The following BCL9 variants were observed in gnomAD, a reference collection of about 807,000 sequenced individuals.
BCL9 encodes B-cell CLL/lymphoma 9 protein.
A neutral mutation model predicts 88.5 loss-of-function variants in BCL9; 25 were observed. The observed-to-expected ratio is 0.28, with a 90% CI of 0.21 to 0.39. The LOEUF (loss-of-function observed/expected upper bound fraction) is 0.39. Ranked by LOEUF, BCL9 falls within the 10% of genes least tolerant of loss-of-function variation. The pLI is 1.00. For synonymous variants in BCL9, 711 were observed against 673.3 expected, an observed-to-expected ratio of 1.06 and a Z score of -0.87; for missense variants, 1,817 against 1,877.8, an observed-to-expected ratio of 0.97 and a Z score of 0.60.
At chr1:147,618,343 T>A (rs1427314982) in intron 7 of BCL9, among the ~76,000 whole-genome samples, 1 of 152,300 alleles carries the variant, frequency 6.6e-6, no homozygotes, top group East Asian at 1.9e-4. Context: ...GACTTACGCT[T>A]TCTCTCTCAA....
intron 1 of BCL9, among the ~76,000 whole-genome samples, chr1:147,551,868 A>G (rs1553194846): frequency 6.6e-6 from 1 of 152,236 alleles, no homozygotes; most frequent in Non-Finnish European, 1.5e-5. Context: ...ACTAAGGTAT[A>G]GACTTTTAAA....
At chr1:147,557,467 G>A (rs1655165933) in intron 1 of BCL9, among the ~76,000 whole-genome samples, 1 of 152,180 alleles carries the variant, frequency 6.6e-6, no homozygotes, top group Non-Finnish European at 1.5e-5. Context: ...AGTCAGATCT[G>A]GAGGATATTC....
chr1:147,622,131 G>A, intron 8 of BCL9, 140 bp from the exon 9 acceptor site: 2 of 1,214,804 alleles, frequency 1.6e-6, no homozygotes, highest in Middle Eastern at 2.9e-4. Flanking sequence ...GAAGATTGAT[G>A]ATTTGTGTCT....
At chr1:147,556,658 A>G (rs1553195485) in intron 1 of BCL9, among the ~76,000 whole-genome samples, 1 of 151,436 alleles carries the variant, frequency 6.6e-6, no homozygotes, top group South Asian at 2.1e-4. Context: ...TATGTTGCTC[A>G]GGCTGGTCTT....
chr1:147,608,200 G>C (rs2101602440), intron 3 of BCL9, among the ~76,000 whole-genome samples: 1 of 152,272 alleles, frequency 6.6e-6, no homozygotes, highest in African/African-American at 2.4e-5. Context: ...CTATGATCTG[G>C]GGGTGGAAGT....
rs587598073 is a variant in BCL9 at position 147,613,428 on chromosome 1, C to T, written c.370+229C>T. Among the ~76,000 whole-genome samples the T allele has an allele frequency of 8.5e-5, 13 of 152,216 alleles. No homozygotes were observed. In the South Asian group the frequency reaches 2.5e-3, roughly 29 times the overall value. On this transcript the variant is annotated intron_variant, in intron 5 of 9. Transcript: ENST00000234739. ...GGAGTTCTTGCCCTTAAGGATGCAACGGTTTAGGGGTTATGGTAGGATGTT... is the reference window on the plus strand; with the variant it reads ...GGAGTTCTTGCCCTTAAGGATGCAATGGTTTAGGGGTTATGGTAGGATGTT...
At position 147,625,468 on chromosome 1, in the gene BCL9, A is replaced by G. The variant is rs1305952469; in HGVS notation, c.*509A>G. ...GCTGTTTACTTTAGGTGGAGAATCC[A>G]TCTTCAGACCTTTGGACTATTTTCT... is the stretch of plus-strand genomic sequence containing the variant. On this transcript the variant is annotated 3_prime_UTR_variant, in exon 10 of 10. Coordinates refer to ENST00000234739, the MANE Select transcript of BCL9 (RefSeq NM_004326.4). The G allele has an allele frequency of 3.1e-5, 7 of 224,832 alleles. No homozygotes were observed. The Admixed American group carries it at 4.0e-4, about 13-fold the overall frequency. 13.9% of individuals were successfully genotyped at this position (224,832 alleles called of 1,614,324 possible).
chr1:147,615,449 A>G (rs1658229559), intron 6 of BCL9, among the ~76,000 whole-genome samples: 1 of 152,154 alleles, frequency 6.6e-6, no homozygotes, highest in Non-Finnish European at 1.5e-5. Context: ...TTAAACTATC[A>G]CTAGGTATTG....
At chr1:147,567,509 T>C (rs1553196876) in intron 1 of BCL9, among the ~76,000 whole-genome samples, 1 of 152,108 alleles carries the variant, frequency 6.6e-6, no homozygotes, top group African/African-American at 2.4e-5. Flanking sequence ...AAAGACAAAA[T>C]GGAACCCAGT....
At chr1:147,594,141 C>T (rs187022578) in intron 1 of BCL9, among the ~76,000 whole-genome samples, 9 of 152,034 alleles carry the variant, frequency 5.9e-5, no homozygotes, top group Admixed American at 1.3e-4. Context: ...AGACAATTCA[C>T]GAATTATGTA....
intron 1 of BCL9, among the ~76,000 whole-genome samples, chr1:147,549,867 T>G (rs1293965014): frequency 2.0e-5 from 3 of 152,184 alleles, no homozygotes; most frequent in African/African-American, 7.2e-5. Flanking sequence ...TGCTTTGATC[T>G]TCTAGCTTTT....
In BCL9 at chr1:147,602,572, T is replaced by C; in HGVS notation, c.-477-2205T>C. Among the ~76,000 whole-genome samples the C allele has an allele frequency of 1.3e-5, 2 of 152,196 alleles. 1 individual carries two copies. The highest frequency in any genetic ancestry group is 3.8e-4 in the East Asian group (2 of 5,196). On this transcript the variant is annotated intron_variant, in intron 1 of 9. Transcript: ENST00000234739. The stretch of plus-strand genomic sequence containing the variant: ...ATATGAGGAATGGGAGTATGAGATT[T>C]GGAAGTTTTATGACTTAGAGATTTG...
intron 1 of BCL9, among the ~76,000 whole-genome samples, chr1:147,587,419 T>A (rs1372977267): frequency 1.3e-5 from 2 of 152,198 alleles, no homozygotes; most frequent in African/African-American, 4.8e-5. Context: ...CTTTGCTCTT[T>A]GCACCTCTGC....
intron 3 of BCL9, among the ~76,000 whole-genome samples, chr1:147,611,121 T>TG (rs1553202543): frequency 2.6e-5 from 4 of 152,100 alleles, no homozygotes; most frequent in East Asian, 1.9e-4. Context: ...GGTTTGAAAT[T>TG]GGGGGGGTTG....
chr1:147,568,794 AT>A (rs1553197024), intron 1 of BCL9, among the ~76,000 whole-genome samples: 1 of 152,072 alleles, frequency 6.6e-6, no homozygotes. Flanking sequence ...GAAGGAATAC[AT>A]TTCTTTAAAT....
At chr1:147,548,851 C>G (rs1157940559) in intron 1 of BCL9, among the ~76,000 whole-genome samples, 2 of 151,898 alleles carry the variant, frequency 1.3e-5, no homozygotes, top group African/African-American at 4.8e-5. Flanking sequence ...TAAATTGCAA[C>G]CTTATGTTGC....
chr1:147,623,907 C>T lies in BCL9; in HGVS notation c.3229C>T (p.Leu1077Phe). 2.5e-6 allele frequency: 4 copies of T among 1,614,200 alleles called. No homozygotes were observed. The highest frequency in any genetic ancestry group is 3.4e-6 in the Non-Finnish European group (4 of 1,180,040). ...GPNPVVPMPT[L>F]SPMGMTQPLS... is the part of the protein sequence containing the mutation. ...AAACCCCGTGGTTCCGATGCCAACC[C>T]TCAGCCCAATGGGAATGACCCAGCC... The change falls in exon 10 of 10, where the codon CTC becomes TTC. Residue 1077 changes from leucine to phenylalanine, a missense_variant. Physicochemically the swap from Leu to Phe is conservative, Grantham distance 22. Coordinates refer to ENST00000234739, the MANE Select transcript of BCL9 (RefSeq NM_004326.4).
chr1:147,546,496 GT>G (rs1357837893), intron 1 of BCL9, among the ~76,000 whole-genome samples: 2 of 152,030 alleles, frequency 1.3e-5, no homozygotes, highest in Non-Finnish European at 2.9e-5. Context: ...TCTAGCTTTG[GT>G]TTTGCCAGTC....
At position 147,620,312 on chromosome 1, in the gene BCL9, T is replaced by C. The variant is rs1658550646; in HGVS notation, c.2157T>C (p.Asp719=). The change falls in exon 8 of 10, where the codon GAT becomes GAC. Residue 719 remains aspartate (D), a synonymous_variant. Transcript: ENST00000234739. ...TGGTTCCTAGTGGGATGAAGGGAGA[T>C]GTCAATCTAAATGTCAACATGGGAT... ...FGMVPSGMKG[D]VNLNVNMGSN... is the part of the protein sequence containing the mutation. 2 of 1,614,138 alleles carry C rather than the reference T, an allele frequency of 1.2e-6. No homozygotes were observed. The highest frequency in any genetic ancestry group is 1.7e-5 in the Admixed American group (1 of 60,012).
Sources: gnomAD v4.1 joint callset for allele counts (sites outside exome capture counted in the v4.1 genomes callset) on GRCh38, gnomAD v4.1.1 for gene constraint, MANE v1.5 for transcripts, NCBI Gene and HGNC (gene_info 2026-07-23, HGNC 2026-07-21) for gene names.